PLCL1: variants seen among roughly 807,000 people sequenced by gnomAD.
The protein encoded by PLCL1 is inactive phospholipase C-like protein 1.
A neutral mutation model predicts 84.4 loss-of-function variants in PLCL1; 41 were observed. The observed-to-expected ratio is 0.49, with a 90% CI of 0.38 to 0.63. The LOEUF (loss-of-function observed/expected upper bound fraction) is 0.63, where lower values mean the gene tolerates loss of function less well. PLCL1 is among the 30% of genes least tolerant of loss of function. The pLI, the probability that PLCL1 is intolerant of heterozygous loss-of-function variation, is 0.00. For synonymous variants in PLCL1, 490 were observed against 488.3 expected (o/e 1.00, Z -0.05); for missense variants, 1,206 against 1,367.8 (o/e 0.88, Z 1.87).
intron 1 of PLCL1, among the ~76,000 whole-genome samples, chr2:197,942,220 C>A (rs1689172314): frequency 6.6e-6 from 1 of 152,026 alleles, no homozygotes; most frequent in South Asian, 2.1e-4. Context: ...CAAAGCAAAC[C>A]CCTCCACTTT....
chr2:198,077,478 T>G (rs999323083), intron 1 of PLCL1, among the ~76,000 whole-genome samples: 1 of 152,206 alleles, frequency 6.6e-6, no homozygotes, highest in Non-Finnish European at 1.5e-5. Flanking sequence ...TCTTGGCTTC[T>G]GTGGAAGCTC....
At chr2:198,130,071 T>C (rs1694082656) in intron 5 of PLCL1, among the ~76,000 whole-genome samples, 1 of 152,182 alleles carries the variant, frequency 6.6e-6, no homozygotes, top group African/African-American at 2.4e-5. Flanking sequence ...CATGGCTCAC[T>C]GCAGCCTCAA....
intron 1 of PLCL1, among the ~76,000 whole-genome samples, chr2:198,077,185 C>T (rs1436572388): frequency 6.6e-6 from 1 of 152,110 alleles, no homozygotes; most frequent in South Asian, 2.1e-4. Flanking sequence ...TCCCTGGAAC[C>T]CTTTACTCTC....
chr2:198,145,244 G>A (rs1694491973), intron 5 of PLCL1, among the ~76,000 whole-genome samples: 1 of 152,052 alleles, frequency 6.6e-6, no homozygotes, highest in African/African-American at 2.4e-5. Context: ...AGACTCATTC[G>A]TGATGTCTAT....
intron 1 of PLCL1, among the ~76,000 whole-genome samples, chr2:197,977,563 A>G (rs1488336554): frequency 6.6e-6 from 1 of 152,114 alleles, no homozygotes; most frequent in Non-Finnish European, 1.5e-5. Context: ...TTGTTTCAAA[A>G]GTGTCTTCCA....
rs143648902 is a variant in PLCL1, at chr2:198,075,585, G to A, written c.241-8173G>A. ...GGAGAATGACAAGATTAAAATAAGA[G>A]ACAAGGCCTTTACATGAAAGCAGCT... is the stretch of plus-strand genomic sequence containing the variant. On this transcript the variant is annotated intron_variant, in intron 1 of 5. Transcript: ENST00000428675. 6.8e-4 allele frequency among the ~76,000 whole-genome samples: 104 copies of A among 152,262 alleles called. 3 individuals are homozygous for A. In the South Asian group the frequency reaches 0.013, roughly 20 times the overall value.
intron 5 of PLCL1, among the ~76,000 whole-genome samples, chr2:198,141,058 G>GT (rs1694374459): frequency 6.6e-6 from 1 of 152,094 alleles, no homozygotes; most frequent in Non-Finnish European, 1.5e-5. Flanking sequence ...AGTTTCATTT[G>GT]TTTTGGGTTT....
chr2:197,845,265 AC>A (rs1489746386), intron 1 of PLCL1, among the ~76,000 whole-genome samples: 2 of 152,152 alleles, frequency 1.3e-5, no homozygotes, highest in East Asian at 3.8e-4. Context: ...ACAATTAGCT[AC>A]TAAAATAAAT....
At chr2:197,877,000 G>A (rs576711236) in intron 1 of PLCL1, among the ~76,000 whole-genome samples, 5 of 152,234 alleles carry the variant, frequency 3.3e-5, no homozygotes, top group Admixed American at 3.3e-4. Context: ...CAGATATGAT[G>A]TGTGCATCAT....
intron 1 of PLCL1, among the ~76,000 whole-genome samples, chr2:197,899,162 A>G (rs1688214834): frequency 6.6e-6 from 1 of 152,358 alleles, no homozygotes; most frequent in Admixed American, 6.5e-5. Context: ...GAGGAGAATG[A>G]GAGCACATAA....
intron 1 of PLCL1, among the ~76,000 whole-genome samples, chr2:198,035,106 G>A (rs1483520030): frequency 6.6e-6 from 1 of 152,004 alleles, no homozygotes; most frequent in Non-Finnish European, 1.5e-5. Flanking sequence ...CTATCTTGTG[G>A]GAGACACACC....
chr2:198,062,762 C>T (rs989561092), intron 1 of PLCL1, among the ~76,000 whole-genome samples: 6 of 152,078 alleles, frequency 3.9e-5, no homozygotes, highest in South Asian at 4.1e-4. Context: ...TTCCTGGCCT[C>T]CCCCCTTTAA....
chr2:197,932,944 T>C (rs1426161156), intron 1 of PLCL1, among the ~76,000 whole-genome samples: 3 of 152,190 alleles, frequency 2.0e-5, no homozygotes, highest in African/African-American at 7.2e-5. Flanking sequence ...TTTGGTGAGG[T>C]TTAGGGCCAA....
intron 1 of PLCL1, among the ~76,000 whole-genome samples, chr2:198,024,239 G>A (rs1292389998): frequency 6.6e-6 from 1 of 152,102 alleles, no homozygotes; most frequent in Non-Finnish European, 1.5e-5. Context: ...ACACACCAGG[G>A]CCTATCAGGG....
intron 1 of PLCL1, among the ~76,000 whole-genome samples, chr2:197,899,787 T>C (rs897719419): frequency 2.0e-5 from 3 of 151,506 alleles, no homozygotes; most frequent in South Asian, 2.1e-4. Context: ...AGGCGCCCGC[T>C]ACCACGCCCG....
At position 197,947,055 on chromosome 2, in the gene PLCL1, T is replaced by C. The variant is rs373101945; in HGVS notation, c.241-136703T>C. The stretch of plus-strand genomic sequence containing the variant: ...ATTTACCCAGTAAATATTTATTGAG[T>C]GCTTACTGTGTATCAGATAGTATTC... On this transcript the variant is annotated intron_variant, in intron 1 of 5. Coordinates refer to ENST00000428675, the MANE Select transcript of PLCL1 (RefSeq NM_006226.4). 1.3e-3 allele frequency among the ~76,000 whole-genome samples: 203 copies of C among 152,116 alleles called. 1 individual carries two copies. Among genetic ancestry groups the C allele is most frequent in the African/African-American group, 4.3e-3 (178 of 41,490 alleles).
intron 1 of PLCL1, among the ~76,000 whole-genome samples, chr2:197,948,072 G>A (rs1171113796): frequency 1.3e-5 from 2 of 152,132 alleles, no homozygotes; most frequent in African/African-American, 4.8e-5. Context: ...TAAAAGTGAT[G>A]TTGGCTTATT....
chr2:197,822,897 T>C (rs1690847455), intron 1 of PLCL1, among the ~76,000 whole-genome samples: 1 of 152,162 alleles, frequency 6.6e-6, no homozygotes, highest in Non-Finnish European at 1.5e-5. Flanking sequence ...TGTCTTTATA[T>C]TAAGACACTA....
At chr2:198,075,410 A>G (rs1332668792) in intron 1 of PLCL1, among the ~76,000 whole-genome samples, 1 of 152,200 alleles carries the variant, frequency 6.6e-6, no homozygotes, top group African/African-American at 2.4e-5. Context: ...ATTTTGTTCA[A>G]ATTGACGCAG....
Sources: gnomAD v4.1 joint callset for allele counts (sites outside exome capture counted in the v4.1 genomes callset) on GRCh38, gnomAD v4.1.1 for gene constraint, MANE v1.5 for transcripts, NCBI Gene and HGNC (gene_info 2026-07-23, HGNC 2026-07-21) for gene names.